ANK3: variants seen among roughly 807,000 people sequenced by gnomAD.
ANK3 encodes ankyrin-3.
In ANK3, 57 loss-of-function variants were observed where a neutral mutation model predicts 370.9. That is an observed-to-expected ratio of 0.15 (90% CI 0.12 to 0.19). The LOEUF is 0.19. ANK3 is among the 10% of genes least tolerant of loss of function. The pLI, the probability that ANK3 is intolerant of heterozygous loss-of-function variation, is 1.00. For synonymous variants in ANK3, 1,929 were observed against 1,946.3 expected (o/e 0.99, Z 0.23); for missense variants, 4,439 against 5,302.1 (o/e 0.84, Z 5.06).
At chr10:60,480,615 T>C (rs886114771) in intron 2 of ANK3, among the ~76,000 whole-genome samples, 1 of 152,134 alleles carries the variant, frequency 6.6e-6, no homozygotes, top group African/African-American at 2.4e-5. Context: ...AAGACAATGA[T>C]AAATAAGACA....
chr10:60,619,876 A>T (rs1014179411), intron 1 of ANK3, among the ~76,000 whole-genome samples: 2 of 152,168 alleles, frequency 1.3e-5, no homozygotes, highest in African/African-American at 4.8e-5. Context: ...TACAGAAGCA[A>T]TCATGGTTCG....
At chr10:60,721,745 A>G (rs1451627970) in intron 1 of ANK3, among the ~76,000 whole-genome samples, 1 of 152,188 alleles carries the variant, frequency 6.6e-6, no homozygotes, top group Non-Finnish European at 1.5e-5. Context: ...ACATTAAGGT[A>G]TTTACTCATC....
intron 8 of ANK3, among the ~76,000 whole-genome samples, chr10:60,228,569 G>T (rs966808652): frequency 2.0e-5 from 3 of 150,654 alleles, no homozygotes; most frequent in African/African-American, 7.3e-5. Context: ...ACATACAAAG[G>T]TGCTTTTATA....
At chr10:60,406,087 G>A (rs897884848) in intron 2 of ANK3, among the ~76,000 whole-genome samples, 2 of 152,126 alleles carry the variant, frequency 1.3e-5, no homozygotes, top group African/African-American at 4.8e-5. Flanking sequence ...AAAGTGTCAG[G>A]GCAATAAAAG....
chr10:60,093,606 A>G (rs2089292843), intron 28 of ANK3, among the ~76,000 whole-genome samples: 1 of 152,200 alleles, frequency 6.6e-6, no homozygotes, highest in Non-Finnish European at 1.5e-5. Context: ...TAAAAGTAGA[A>G]AGAAACAGCT....
Position 60,170,658 on chromosome 10 carries a change from A to G in ANK3, c.2478+1650T>C, listed in dbSNP as rs115786045. The stretch of plus-strand genomic sequence containing the variant: ...TCTCTTTTGCAGAAAGTCATCAACA[A>G]GGACAGCTGATGATGTTGAGAGTGA... On this transcript the variant is annotated intron_variant, in intron 21 of 43. Coordinates refer to ENST00000280772, the MANE Select transcript of ANK3 (RefSeq NM_020987.5). Among the ~76,000 whole-genome samples, 1,466 of 152,264 alleles carry G rather than the reference A, an allele frequency of 9.6e-3. 19 individuals carry two copies. Among genetic ancestry groups the G allele is most frequent in the African/African-American group, 0.033 (1,367 of 41,538 alleles).
intron 28 of ANK3, among the ~76,000 whole-genome samples, chr10:60,098,970 TA>T (rs1179119593): frequency 1.3e-5 from 2 of 152,256 alleles, no homozygotes; most frequent in East Asian, 1.9e-4. Context: ...GACAATCATA[TA>T]TTTTTAAAGC....
intron 7 of ANK3, among the ~76,000 whole-genome samples, chr10:60,246,021 C>T (rs111390935): frequency 8.6e-4 from 131 of 152,014 alleles, no homozygotes; most frequent in African/African-American, 3.1e-3. Context: ...TTTGGGAGGC[C>T]GAGGTAGATG....
intron 25 of ANK3, among the ~76,000 whole-genome samples, chr10:60,129,783 A>G (rs567388683): frequency 6.6e-6 from 1 of 152,046 alleles, no homozygotes; most frequent in African/African-American, 2.4e-5. Flanking sequence ...ACACACCCCA[A>G]AGTTCTCCAA....
chr10:60,147,336 C>T (rs1237860725), intron 23 of ANK3, among the ~76,000 whole-genome samples: 1 of 152,208 alleles, frequency 6.6e-6, no homozygotes, highest in Non-Finnish European at 1.5e-5. Context: ...CATTCACTTC[C>T]TGCCCCCTTC....
At chr10:60,604,573 C>G (rs1482193182) in intron 2 of ANK3, among the ~76,000 whole-genome samples, 1 of 152,184 alleles carries the variant, frequency 6.6e-6, no homozygotes, top group East Asian at 1.9e-4. Context: ...CGAATCTAAG[C>G]AGCAGTTCTA....
At chr10:60,490,051 C>G (rs1327848553) in intron 2 of ANK3, among the ~76,000 whole-genome samples, 1 of 152,190 alleles carries the variant, frequency 6.6e-6, no homozygotes, top group African/African-American at 2.4e-5. Flanking sequence ...CCCTGGAACC[C>G]ACTGCCTTCT....
intron 1 of ANK3, among the ~76,000 whole-genome samples, chr10:60,693,729 C>A (rs1282980126): frequency 6.6e-6 from 1 of 152,084 alleles, no homozygotes; most frequent in African/African-American, 2.4e-5. Context: ...GAAAGGACAT[C>A]CACACCAAAA....
chr10:60,346,987 T>A (rs1424535244), intron 1 of ANK3, among the ~76,000 whole-genome samples: 1 of 150,154 alleles, frequency 6.7e-6, no homozygotes, highest in Non-Finnish European at 1.5e-5. Flanking sequence ...CTTGAGACCA[T>A]CTATTAGTAG....
intron 2 of ANK3, among the ~76,000 whole-genome samples, chr10:60,482,227 G>A (rs1468333203): frequency 6.6e-6 from 1 of 152,120 alleles, no homozygotes; most frequent in African/African-American, 2.4e-5. Context: ...TAATCACAGG[G>A]CATTGGACCT....
intron 2 of ANK3, among the ~76,000 whole-genome samples, chr10:60,423,794 C>A (rs1030772284): frequency 1.3e-5 from 2 of 152,058 alleles, no homozygotes; most frequent in African/African-American, 4.8e-5. Flanking sequence ...CCAGAATATA[C>A]ACTTTATACA....
At chr10:60,390,099 C>T (rs1366306198), upstream of ANK3, among the ~76,000 whole-genome samples, 1 of 152,180 alleles carries the variant, frequency 6.6e-6, no homozygotes, top group Non-Finnish European at 1.5e-5. Context: ...AGTTCAACTG[C>T]TGATGGTGAC....
At chr10:60,196,678 A>C in intron 14 of ANK3, 53 bp from the exon 15 acceptor site, 1 of 1,243,058 alleles carries the variant, frequency 8.0e-7, no homozygotes, top group East Asian at 2.4e-5. Context: ...CATAAGGAAA[A>C]CACACACAAA....
intron 2 of ANK3, among the ~76,000 whole-genome samples, chr10:60,503,722 C>T (rs2075863955): frequency 6.6e-6 from 1 of 152,152 alleles, no homozygotes; most frequent in South Asian, 2.1e-4. Context: ...TCATATTCTC[C>T]TTTTGAAGTT....
Sources: gnomAD v4.1 joint callset for allele counts (sites outside exome capture counted in the v4.1 genomes callset) on GRCh38, gnomAD v4.1.1 for gene constraint, MANE v1.5 for transcripts, NCBI Gene and HGNC (gene_info 2026-07-23, HGNC 2026-07-21) for gene names.